Variants in MIA3 observed in about 807,000 individuals in gnomAD.
MIA3 encodes the protein transport and Golgi organization protein 1 homolog.
In MIA3, 90 loss-of-function variants were observed where a neutral mutation model predicts 192.4. The observed-to-expected ratio is 0.47, with a 90% CI of 0.39 to 0.56. The LOEUF (loss-of-function observed/expected upper bound fraction) is 0.56, where lower values mean the gene tolerates loss of function less well. MIA3 is among the 20% of genes least tolerant of loss of function. MIA3 has a pLI of 0.00. For synonymous variants in MIA3, 740 were observed against 792.8 expected (o/e 0.93, Z 1.12); for missense variants, 2,123 against 2,269.4 (o/e 0.94, Z 1.31).
In MIA3 at chr1:222,629,196, A is replaced by G; in HGVS notation, c.1976A>G (p.Gln659Arg). The G allele has an allele frequency of 6.2e-7, 1 of 1,614,186 alleles. No individual in the cohort carries two copies. Among genetic ancestry groups the G allele is most frequent in the Non-Finnish European group, 8.5e-7 (1 of 1,180,022 alleles). Residue 659 changes from glutamine to arginine, a missense_variant, in exon 4 of 28, where the codon CAA becomes CGA. Around this residue, in one of 3 missense-constraint regions of MIA3, gnomAD observed 1,357 missense variants for 1,396.1 expected, o/e 0.97. Coordinates refer to ENST00000344922, the MANE Select transcript of MIA3 (RefSeq NM_198551.4). ...CTGGGAAGAAATCTTCCCTGGCAAC[A>G]AGAAAGAGATGTGGCTGCCACAGCC... ...PILGRNLPWQ[Q>R]ERDVAATASK...
chr1:222,650,226 G>T, intron 8 of MIA3, 66 bp from the exon 9 acceptor site: 1 of 878,520 alleles, frequency 1.1e-6, no homozygotes, highest in South Asian at 1.4e-5. Flanking sequence ...CTTTGCTGCT[G>T]ATACATTGGG....
chr1:222,624,135 GA>G (rs530340394), intron 2 of MIA3, among the ~76,000 whole-genome samples: 23 of 152,162 alleles, frequency 1.5e-4, no homozygotes, highest in African/African-American at 5.3e-4. Flanking sequence ...TAGAAATACT[GA>G]AAAAATTAAG....
chr1:222,658,018 A>G (rs1663824175), intron 18 of MIA3, among the ~76,000 whole-genome samples: 1 of 152,228 alleles, frequency 6.6e-6, no homozygotes, highest in African/African-American at 2.4e-5. Context: ...TGCTGCCTTT[A>G]CAATCTGTGT....
In MIA3 at chr1:222,628,105, C is replaced by T. The variant is rs778814563; in HGVS notation, c.885C>T (p.Leu295=). 6.8e-6 allele frequency: 11 copies of T among 1,613,836 alleles called. No homozygotes were observed. The highest frequency in any genetic ancestry group is 6.7e-5 in the East Asian group (3 of 44,888). The change falls in exon 4 of 28, where the codon CTC becomes CTT. Residue 295 remains leucine (L), a synonymous_variant. Coordinates refer to ENST00000344922, the MANE Select transcript of MIA3 (RefSeq NM_198551.4). The part of the protein sequence containing the change: ...ALVSDDETTR[L]VTSLEDDFDE... ...TATCTGATGATGAGACAACCAGACT[C>T]GTTACTTCATTAGAAGATGATTTTG...
chr1:222,656,250 G>A (rs929470480), intron 18 of MIA3, among the ~76,000 whole-genome samples: 9 of 152,008 alleles, frequency 5.9e-5, no homozygotes, highest in Non-Finnish European at 5.9e-5. Flanking sequence ...GGGATTACAG[G>A]TGTGAGCCAC....
intron 7 of MIA3, 29 bp from the exon 8 acceptor site, chr1:222,648,797 ACAT>A: frequency 8.5e-7 from 1 of 1,170,144 alleles, no homozygotes; most frequent in Non-Finnish European, 1.3e-6. Context: ...AAAATGTTTG[ACAT>A]CAAATTTAAT....
intron 14 of MIA3, 22 bp from the exon 15 acceptor site, chr1:222,653,205 AT>A: frequency 1.2e-6 from 2 of 1,601,544 alleles, no homozygotes; most frequent in Non-Finnish European, 1.7e-6. Context: ...AAGACTCTTA[AT>A]GCCCTTTTAC....
At chr1:222,648,589 C>A (rs1663266270) in intron 7 of MIA3, among the ~76,000 whole-genome samples, 2 of 152,158 alleles carry the variant, frequency 1.3e-5, no homozygotes, top group Non-Finnish European at 2.9e-5. Flanking sequence ...ATATCTTTAG[C>A]TGTGCAAAGT....
intron 24 of MIA3, chr1:222,660,755 G>A: frequency 6.0e-6 from 1 of 166,424 alleles, no homozygotes; most frequent in Non-Finnish European, 1.3e-5. Context: ...AAAAAATTAA[G>A]AAAAATTTAT....
At position 222,629,874 on chromosome 1, in the gene MIA3, A is replaced by C. The variant is rs763721169; in HGVS notation, c.2654A>C (p.Lys885Thr). ...LSKEDHENTEKYMGTESQGSA... is the reference protein window; with the variant it reads ...LSKEDHENTETYMGTESQGSA... The stretch of plus-strand genomic sequence containing the variant: ...AAAGAGGACCATGAGAACACAGAGA[A>C]GTACATGGGCACAGAAAGCCAGGGG... The change falls in exon 4 of 28, where the codon AAG becomes ACG. Residue 885 changes from lysine to threonine, a missense_variant. Physicochemically the swap from Lys to Thr is moderately conservative, Grantham distance 78. This residue lies in a region of MIA3 where 1,357 missense variants were observed against 1,396.1 expected (regional missense o/e 0.97). Transcript: ENST00000344922. The C allele has an allele frequency of 1.7e-5, 27 of 1,613,722 alleles. No homozygotes were observed. In the Admixed American group the frequency reaches 2.8e-4, roughly 17 times the overall value.
chr1:222,624,896 C>A, intron 3 of MIA3, 42 bp downstream of exon 3: 1 of 1,145,576 alleles, frequency 8.7e-7, no homozygotes, highest in Non-Finnish European at 1.3e-6. Context: ...TATAAGTTGG[C>A]TTATAAGTGA....
intron 11 of MIA3, among the ~76,000 whole-genome samples, 199 bp downstream of exon 11, chr1:222,651,102 G>A (rs1482555512): frequency 1.3e-5 from 2 of 151,884 alleles, no homozygotes; most frequent in South Asian, 4.2e-4. Context: ...AAGTATTTTG[G>A]TTCTCAACCC....
intron 27 of MIA3, 83 bp from the exon 28 acceptor site, chr1:222,665,226 G>GATT: frequency 3.1e-6 from 2 of 652,468 alleles, no homozygotes; most frequent in Non-Finnish European, 5.2e-6. Flanking sequence ...AAAAAAGGAT[G>GATT]ACAGACTATA....
intron 26 of MIA3, among the ~76,000 whole-genome samples, chr1:222,663,434 T>C (rs928052249): frequency 2.0e-5 from 3 of 152,160 alleles, no homozygotes. Flanking sequence ...GCCAGCCTCT[T>C]ACATGCTGTG....
chr1:222,647,960 C>T (rs1056577084), intron 7 of MIA3: 10 of 354,660 alleles, frequency 2.8e-5, no homozygotes, highest in African/African-American at 1.9e-4. Context: ...ATTATGTAAA[C>T]AGTATATTTA....
chr1:222,651,513 T>C (rs1396819726), intron 11 of MIA3, among the ~76,000 whole-genome samples: 1 of 152,074 alleles, frequency 6.6e-6, no homozygotes, highest in Non-Finnish European at 1.5e-5. Context: ...TAGAATTCTA[T>C]ATGGGTGATC....
intron 26 of MIA3, chr1:222,662,585 T>C (rs924800070): frequency 1.3e-4 from 119 of 947,606 alleles, no homozygotes; most frequent in Non-Finnish European, 1.6e-4. Flanking sequence ...GCAATATTGA[T>C]CTTACTTTTA....
At position 222,660,752 on chromosome 1, in the gene MIA3, T is replaced by C. The variant is rs545457459; in HGVS notation, c.5113+438T>C. ...ACATAGCCTAGAAATATAAAAAAAT[T>C]AAGAAAAATTTATGTATGTCGTGAA... On this transcript the variant is annotated intron_variant, in intron 24 of 27. Transcript: ENST00000344922. The C allele has an allele frequency of 1.7e-4, 29 of 167,310 alleles. 1 individual carries two copies. The South Asian group carries it at 3.7e-3, about 22-fold the overall frequency. 10.4% of individuals were successfully genotyped at this position (167,310 alleles called of 1,614,324 possible).
intron 6 of MIA3, among the ~76,000 whole-genome samples, chr1:222,635,755 G>T (rs1662596373): frequency 6.6e-6 from 1 of 152,108 alleles, no homozygotes; most frequent in African/African-American, 2.4e-5. Context: ...GGAATCTTAG[G>T]GTTGGAAGAG....
Sources: allele counts gnomAD v4.1 joint callset (sites outside exome capture counted in the v4.1 genomes callset), GRCh38; gene constraint gnomAD v4.1.1; regional missense constraint gnomAD v4.1.1; transcripts MANE v1.5; gene names NCBI Gene and HGNC (gene_info 2026-07-23, HGNC 2026-07-21).